Variants in BAZ2A observed in about 807,000 individuals in gnomAD.
BAZ2A encodes the protein bromodomain adjacent to zinc finger domain protein 2A.
BAZ2A carries 34 observed loss-of-function variants against 199.9 expected under a neutral mutation model. The ratio of observed to expected loss-of-function variants is 0.17; its 90% CI spans 0.13 to 0.23. The LOEUF is 0.23. Among genes scored for constraint, BAZ2A ranks in the 10% least tolerant of loss-of-function variants. The pLI is 1.00. For synonymous variants in BAZ2A, 857 were observed against 883.9 expected (o/e 0.97, Z 0.54); for missense variants, 2,002 against 2,391.1 (o/e 0.84, Z 3.39).
At position 56,597,627 on chromosome 12, in the gene BAZ2A, CTCTGAGGCCG is replaced by C. The variant is rs1186578579; in HGVS notation, c.*981_*990del. 42 of 122,078 alleles carry C rather than the reference CTCTGAGGCCG, an allele frequency of 3.4e-4. No individual in the cohort carries two copies. Among genetic ancestry groups the C allele is most frequent in the African/African-American group, 1.8e-3 (42 of 23,198 alleles). 7.6% of individuals were successfully genotyped at this position (122,078 alleles called of 1,614,324 possible). ...CACACACACACACACACACAGCGCGCTCTGAGGCCGACACACACACACACACACACACACA... is the reference window on the plus strand; with the variant it reads ...CACACACACACACACACACAGCGCGCACACACACACACACACACACACACA... On this transcript the variant is annotated 3_prime_UTR_variant, in exon 29 of 29. Transcript: ENST00000549884.
At position 56,599,062 on chromosome 12, in the gene BAZ2A, A is replaced by AC. The variant is rs1886131079; in HGVS notation, c.5403-52dup. 6 of 1,600,302 alleles carry AC rather than the reference A, an allele frequency of 3.7e-6. No individual in the cohort carries two copies. The Admixed American group carries it at 1.0e-4, about 27-fold the overall frequency. ...TCCATCTCAGGAAGCAAATATACTG[A>AC]CCCCTCCCAGCCCTTTCCTCTGGCA... On this transcript the variant is annotated intron_variant, in intron 27 of 28. Transcript: ENST00000549884.
At chr12:56,634,994 G>A, upstream of BAZ2A, 2 of 984,586 alleles carry the variant, frequency 2.0e-6, no homozygotes, top group Non-Finnish European at 2.4e-6. Flanking sequence ...AGAGGCGCAG[G>A]TGGCCGAGCC....
rs572609088 is a variant in BAZ2A at position 56,597,586 on chromosome 12, C to T, written c.*1032G>A. 6.9e-4 allele frequency: 16 copies of T among 23,130 alleles called. No individual in the cohort carries two copies. The highest frequency in any genetic ancestry group is 1.0e-3 in the Admixed American group (2 of 1,940). 1.4% of individuals were successfully genotyped at this position (23,130 alleles called of 1,614,324 possible). ...CGCACACACACACACACACACAGCG[C>T]GCGCTCTGAGGCTGACACACACACA... On this transcript the variant is annotated 3_prime_UTR_variant, in exon 29 of 29. Coordinates refer to ENST00000549884, the MANE Select transcript of BAZ2A (RefSeq NM_001300905.2).
Position 56,597,792 on chromosome 12 carries a change from G to A in BAZ2A, c.*826C>T, listed in dbSNP as rs1231699452. The A allele has an allele frequency of 6.6e-6, 1 of 152,670 alleles. No homozygotes were observed. Among genetic ancestry groups the A allele is most frequent in the Non-Finnish European group, 1.5e-5 (1 of 68,090 alleles). The allele number at this position is 152,670 out of a possible 1,614,324, so 9.5% of individuals were successfully genotyped here. ...AGGGTTTGGGAAGGAGGTGGGGAAG[G>A]AGGCTGGAAGGCCCAGGAAGCCTCC... is the stretch of plus-strand genomic sequence containing the variant. On this transcript the variant is annotated 3_prime_UTR_variant, in exon 29 of 29. Transcript: ENST00000549884.
chr12:56,624,165 GC>G (rs1386575026), intron 1 of BAZ2A, among the ~76,000 whole-genome samples: 3 of 151,872 alleles, frequency 2.0e-5, no homozygotes, highest in Non-Finnish European at 4.4e-5. Flanking sequence ...CATTCTGAGT[GC>G]CCTAGTAACA....
In BAZ2A at chr12:56,601,342, C is replaced by T; in HGVS notation, c.4132G>A (p.Ala1378Thr). ...SPVQFSSTPL[A>T]GLAPKRRAGD... The stretch of plus-strand genomic sequence containing the variant: ...GCTCGCCTCTTAGGGGCCAACCCAG[C>T]CAAGGGCGTGGAAGAGAACTGCACT... The change falls in exon 21 of 29, where the codon GCT becomes ACT. Residue 1378 changes from alanine to threonine, a missense_variant. Physicochemically the swap from Ala to Thr is moderately conservative, Grantham distance 58 (BLOSUM62 0). Coordinates refer to ENST00000549884, the MANE Select transcript of BAZ2A (RefSeq NM_001300905.2). 6.2e-7 allele frequency: 1 copy of T among 1,613,996 alleles called. No individual in the cohort carries two copies.
chr12:56,608,570 A>T (rs936761470), intron 10 of BAZ2A, among the ~76,000 whole-genome samples: 2 of 151,144 alleles, frequency 1.3e-5, no homozygotes, highest in Non-Finnish European at 2.9e-5. Flanking sequence ...TTATTATTAT[A>T]TTATTATTAT....
At position 56,598,566 on chromosome 12, in the gene BAZ2A, T is replaced by C; in HGVS notation, c.*52A>G. 6.3e-7 allele frequency: 1 copy of C among 1,582,028 alleles called. No homozygotes were observed. Among genetic ancestry groups the C allele is most frequent in the Non-Finnish European group, 8.6e-7 (1 of 1,164,888 alleles). ...TCAGCAGGTGAAAATGGCAGGTTTT[T>C]GTTTGGAAGGTGGGGGGAGATGCCA... On this transcript the variant is annotated 3_prime_UTR_variant, in exon 29 of 29. Coordinates refer to ENST00000549884, the MANE Select transcript of BAZ2A (RefSeq NM_001300905.2).
At chr12:56,614,313 T>TA (rs1397499740) in intron 3 of BAZ2A, 175 bp from the exon 4 acceptor site, 2 of 614,186 alleles carry the variant, frequency 3.3e-6, no homozygotes, top group Non-Finnish European at 5.5e-6. Flanking sequence ...GATGTGCTGG[T>TA]AAAATCAATC....
rs370590026 is a variant in BAZ2A at position 56,619,188 on chromosome 12, T to C, written c.-2-1656A>G. Among the ~76,000 whole-genome samples the C allele has an allele frequency of 6.6e-5, 10 of 151,594 alleles. No individual in the cohort carries two copies. In the East Asian group the frequency reaches 1.9e-3, roughly 30 times the overall value. Reference sequence around the variant, plus strand: ...GTGAAACCCTACCTCTACTAAAAAATACAAAAATTAGCTGGGCGTGGTGGC... The same window carrying C: ...GTGAAACCCTACCTCTACTAAAAAACACAAAAATTAGCTGGGCGTGGTGGC... On this transcript the variant is annotated intron_variant, in intron 1 of 28. Coordinates refer to ENST00000549884, the MANE Select transcript of BAZ2A (RefSeq NM_001300905.2).
intron 1 of BAZ2A, chr12:56,621,368 T>C (rs1205146779): frequency 6.6e-6 from 4 of 606,460 alleles, no homozygotes; most frequent in Non-Finnish European, 8.3e-6. Flanking sequence ...GAGATCAGTT[T>C]CTCCACCTGT....
Position 56,610,484 on chromosome 12 carries a change from G to A in BAZ2A, c.1704C>T (p.Ser568=), listed in dbSNP as rs34393899. 0.039 allele frequency: 62,207 copies of A among 1,613,244 alleles called. 1,379 individuals are homozygous for A. Among genetic ancestry groups the A allele is most frequent in the Non-Finnish European group, 0.044 (52,399 of 1,179,576 alleles). Residue 568 remains serine (S), a synonymous_variant, in exon 8 of 29, where the codon AGC becomes AGT. Transcript: ENST00000549884. The part of the protein sequence containing the change: ...WRREVRIKKG[S]HRWQGETWYY... Reference sequence around the variant, plus strand: ...ACCAGGTCTCCCCCTGCCATCGGTGGCTGCCCTTCTTGATGCGCACCTCTC... The same window carrying A: ...ACCAGGTCTCCCCCTGCCATCGGTGACTGCCCTTCTTGATGCGCACCTCTC...
Position 56,605,271 on chromosome 12 carries a change from T to C in BAZ2A, c.2550A>G (p.Ser850=). ...PGLTLPSGAF[S]DCLTIVEFLH... is the part of the protein sequence containing the mutation. ...GGAACTCCACAATGGTCAAGCAGTC[T>C]GAGAAGGCTCCACTGGGCAATGTCA... Residue 850 remains serine, a synonymous_variant, in exon 14 of 29, where the codon TCA becomes TCG. Transcript: ENST00000549884. The C allele has an allele frequency of 6.2e-7, 1 of 1,613,750 alleles. No homozygotes were observed. Among genetic ancestry groups the C allele is most frequent in the Non-Finnish European group, 8.5e-7 (1 of 1,179,810 alleles).
intron 13 of BAZ2A, 119 bp from the exon 14 acceptor site, chr12:56,605,446 G>C (rs1370574982): frequency 4.2e-5 from 45 of 1,066,228 alleles, no homozygotes; most frequent in Non-Finnish European, 4.8e-5. Flanking sequence ...TTTTGAGATA[G>C]GGTCTCACTC....
At chr12:56,623,462 G>C (rs1159807955) in intron 1 of BAZ2A, among the ~76,000 whole-genome samples, 1 of 152,082 alleles carries the variant, frequency 6.6e-6, no homozygotes, top group African/African-American at 2.4e-5. Context: ...TCACAAATGG[G>C]GTTGGGGGGT....
chr12:56,636,184 A>G, exon 1 of BAZ2A: 2 of 1,595,502 alleles, frequency 1.3e-6, no homozygotes, highest in Non-Finnish European at 1.7e-6. Flanking sequence ...ATACTCACCC[A>G]TGTCAGGCTG....
At chr12:56,614,823 C>T in intron 3 of BAZ2A, 191 bp downstream of exon 3, 1 of 655,484 alleles carries the variant, frequency 1.5e-6, no homozygotes, top group South Asian at 1.9e-5. Context: ...AATTTGCACT[C>T]CCACTCGCGA....
upstream of BAZ2A, among the ~76,000 whole-genome samples, chr12:56,633,324 C>A (rs1010817473): frequency 2.6e-5 from 4 of 152,104 alleles, no homozygotes; most frequent in African/African-American, 9.7e-5. Context: ...GGCATCCAAC[C>A]CCAAACACCA....
Position 56,624,504 on chromosome 12 carries a change from T to C in BAZ2A, c.-3+5621A>G, listed in dbSNP as rs531586370. 9.2e-5 allele frequency among the ~76,000 whole-genome samples: 14 copies of C among 152,168 alleles called. No homozygotes were observed. The East Asian group carries it at 2.3e-3, about 25-fold the overall frequency. On this transcript the variant is annotated intron_variant, in intron 1 of 28. Coordinates refer to ENST00000549884, the MANE Select transcript of BAZ2A (RefSeq NM_001300905.2). ...GTATACAAAAGAACCAAAGGAAATA[T>C]TTGTTGAGTCCATGGACTGAAGAAA...
Sources: allele counts gnomAD v4.1 joint callset (sites outside exome capture counted in the v4.1 genomes callset), GRCh38; gene constraint gnomAD v4.1.1; transcripts MANE v1.5; gene names NCBI Gene and HGNC (gene_info 2026-07-23, HGNC 2026-07-21).